Variants in SHANK1 observed in about 807,000 individuals in gnomAD.
SHANK1 encodes SH3 and multiple ankyrin repeat domains 1, also known as SH3 and multiple ankyrin repeat domains protein 1.
In SHANK1, 35 loss-of-function variants were observed where a neutral mutation model predicts 165.6. That is an observed-to-expected ratio of 0.21 (90% confidence interval 0.16 to 0.28). The LOEUF (loss-of-function observed/expected upper bound fraction) is 0.28. Among genes scored for constraint, SHANK1 ranks in the 10% least tolerant of loss-of-function variants. The pLI is 1.00. For missense variants in SHANK1, 2,681 were observed against 3,036.4 expected, an observed-to-expected ratio of 0.88 and a Z score of 2.75; for synonymous variants, 1,428 against 1,384.8, an observed-to-expected ratio of 1.03 and a Z score of -0.69.
intron 15 of SHANK1, among the ~76,000 whole-genome samples, chr19:50,694,657 C>A (rs1439752782): frequency 2.4e-5 from 2 of 83,250 alleles, no homozygotes; most frequent in African/African-American, 1.0e-4. Flanking sequence ...CTGACGAGTG[C>A]GTATTAGGGG....
Position 50,662,788 on chromosome 19 carries a change from A to G in SHANK1, c.5769-106T>C. Reference sequence around the variant, plus strand: ...GATATAGGGAGAGAGGAGGAGAGACATAAGGGTAGGGGGAGAGACGGAGGA... The same window carrying G: ...GATATAGGGAGAGAGGAGGAGAGACGTAAGGGTAGGGGGAGAGACGGAGGA... On this transcript the variant is annotated intron_variant, in intron 23 of 23. Transcript: ENST00000293441. The surrounding 1 kb of genome is among the most constrained non-coding windows in gnomAD (Gnocchi z 7.7). 3 of 1,168,726 alleles carry G rather than the reference A, an allele frequency of 2.6e-6. No homozygotes were observed. Among genetic ancestry groups the G allele is most frequent in the Non-Finnish European group, 2.4e-6 (2 of 818,346 alleles). The allele number at this position is 1,168,726 out of a possible 1,614,324, so 72.4% of individuals were successfully genotyped here.
At chr19:50,675,404 G>T (rs1985943947) in intron 21 of SHANK1, among the ~76,000 whole-genome samples, 1 of 152,174 alleles carries the variant, frequency 6.6e-6, no homozygotes, top group Non-Finnish European at 1.5e-5. Context: ...CATCATCACA[G>T]AGAGCTCTAT....
Position 50,702,051 on chromosome 19 carries a change from C to T in SHANK1, c.1747+416G>A, listed in dbSNP as rs768449038. Reference sequence around the variant, plus strand: ...GCAAAGTTAAGGCTGCTCGGCCTCACGCTCTGCACCAGGTGGCAGGAAGGA... The same window carrying T: ...GCAAAGTTAAGGCTGCTCGGCCTCATGCTCTGCACCAGGTGGCAGGAAGGA... On this transcript the variant is annotated intron_variant, in intron 12 of 23. Coordinates refer to ENST00000293441, the MANE Select transcript of SHANK1 (RefSeq NM_016148.5). This position sits in a 1 kb window ranked among gnomAD's most constrained non-coding sequence, Gnocchi z 5.3. 8.3e-4 allele frequency among the ~76,000 whole-genome samples: 127 copies of T among 152,220 alleles called. No homozygotes were observed. The highest frequency in any genetic ancestry group is 1.4e-3 in the Non-Finnish European group (94 of 68,040).
rs993979485 is a variant in SHANK1, at chr19:50,660,869, C to T, written c.*1096G>A. 1.4e-5 allele frequency among the ~76,000 whole-genome samples: 2 copies of T among 140,738 alleles called. No individual in the cohort carries two copies. Among genetic ancestry groups the T allele is most frequent in the Admixed American group, 1.5e-4 (2 of 12,940 alleles). 92.3% of individuals were successfully genotyped at this position (140,738 alleles called of 152,430 possible). On this transcript the variant is annotated 3_prime_UTR_variant, in exon 24 of 24. Transcript: ENST00000293441. Reference sequence around the variant, plus strand: ...AGAGAATGAGCATGTGTGAGAGAAACAGTTTCTGGGAGGCAAGTGTGCAAA... The same window carrying T: ...AGAGAATGAGCATGTGTGAGAGAAATAGTTTCTGGGAGGCAAGTGTGCAAA...
Position 50,686,610 on chromosome 19 carries a change from G to T in SHANK1, c.2458+134C>A. Reference sequence around the variant, plus strand: ...AGCCGTCGGGAGAGGGCGGGCGGAGGGAGGGGAGGTGGGATCGCAGCCTCT... The same window carrying T: ...AGCCGTCGGGAGAGGGCGGGCGGAGTGAGGGGAGGTGGGATCGCAGCCTCT... On this transcript the variant is annotated intron_variant, in intron 20 of 23. Transcript: ENST00000293441. This position sits in a 1 kb window ranked among gnomAD's most constrained non-coding sequence, Gnocchi z 5.7. The T allele has an allele frequency of 2.4e-6, 2 of 839,070 alleles. No individual in the cohort carries two copies. Among genetic ancestry groups the T allele is most frequent in the East Asian group, 2.6e-5 (1 of 37,824 alleles). The allele number at this position is 839,070 out of a possible 1,614,324, so 52.0% of individuals were successfully genotyped here. A position where few individuals can be genotyped will look rare whatever the true frequency, so the allele number is the denominator to read the frequency against.
chr19:50,697,343 C>T lies in SHANK1; in HGVS notation c.1938-221G>A, dbSNP rs1275183258. On this transcript the variant is annotated intron_variant, in intron 14 of 23. Coordinates refer to ENST00000293441, the MANE Select transcript of SHANK1 (RefSeq NM_016148.5). This position sits in a 1 kb window ranked among gnomAD's most constrained non-coding sequence, Gnocchi z 4.7. ...GCGCCCCGGCCCCCCCAGGCATCCCCACCCTGCCCTGACCACCCCGTTGTC... is the reference window on the plus strand; with the variant it reads ...GCGCCCCGGCCCCCCCAGGCATCCCTACCCTGCCCTGACCACCCCGTTGTC... Among the ~76,000 whole-genome samples the T allele has an allele frequency of 6.6e-6, 1 of 152,222 alleles. No individual in the cohort carries two copies. The highest frequency in any genetic ancestry group is 1.5e-5 in the Non-Finnish European group (1 of 68,036).
intron 21 of SHANK1, among the ~76,000 whole-genome samples, chr19:50,675,419 T>C (rs972018565): frequency 5.3e-5 from 8 of 152,208 alleles, no homozygotes; most frequent in African/African-American, 1.7e-4. Flanking sequence ...CTCTATTGGT[T>C]CTAGTCCAGA....
At chr19:50,695,974 G>T (rs780179220) in intron 15 of SHANK1, among the ~76,000 whole-genome samples, 1 of 152,178 alleles carries the variant, frequency 6.6e-6, no homozygotes, top group African/African-American at 2.4e-5. Flanking sequence ...CCGGGCGCAC[G>T]GCACAGCACA....
At chr19:50,684,769 G>A (rs1222291733) in intron 21 of SHANK1, among the ~76,000 whole-genome samples, 3 of 152,142 alleles carry the variant, frequency 2.0e-5, no homozygotes, top group Admixed American at 1.3e-4. Flanking sequence ...CATCACAGTG[G>A]TGCAGATTTC....
chr19:50,690,513 G>A lies in SHANK1; in HGVS notation c.1965-1234C>T, dbSNP rs999062185. Among the ~76,000 whole-genome samples, 16 of 152,062 alleles carry A rather than the reference G, an allele frequency of 1.1e-4. No homozygotes were observed. The highest frequency in any genetic ancestry group is 3.6e-4 in the African/African-American group (15 of 41,366). On this transcript the variant is annotated intron_variant, in intron 15 of 23. Coordinates refer to ENST00000293441, the MANE Select transcript of SHANK1 (RefSeq NM_016148.5). This position sits in a 1 kb window ranked among gnomAD's most constrained non-coding sequence, Gnocchi z 4.9. The stretch of plus-strand genomic sequence containing the variant: ...TGGAACGCGTGCTCTGCTGTGCTGA[G>A]CTTCCTTCAGCACTGTCTAAAGCCT...
chr19:50,715,587 G>T, intron 4 of SHANK1, 72 bp downstream of exon 4: 6 of 1,336,842 alleles, frequency 4.5e-6, no homozygotes, highest in Non-Finnish European at 6.4e-6. Context: ...GAGGTGGGGA[G>T]AGAAAGTGGT....
rs2089087359 is a variant in SHANK1 at position 50,717,904 on chromosome 19, T to C, written c.-43-942A>G. On this transcript the variant is annotated intron_variant, in intron 1 of 23. Transcript: ENST00000293441. This position sits in a 1 kb window ranked among gnomAD's most constrained non-coding sequence, Gnocchi z 5.5. ...CTGGGGAACTGAGTGGGGGATCATC[T>C]CTAGATCCTTGCTGTTCTCCCTTGA... Among the ~76,000 whole-genome samples the C allele has an allele frequency of 6.6e-6, 1 of 152,002 alleles. No individual in the cohort carries two copies. The highest frequency in any genetic ancestry group is 1.5e-5 in the Non-Finnish European group (1 of 67,982).
At chr19:50,665,687 A>G (rs1985461560) in intron 23 of SHANK1, among the ~76,000 whole-genome samples, 1 of 145,920 alleles carries the variant, frequency 6.9e-6, no homozygotes, top group Admixed American at 7.0e-5. Flanking sequence ...CAAGTGAGCT[A>G]TGATTACACC....
At chr19:50,706,428 C>T (rs1343996604) in intron 8 of SHANK1, among the ~76,000 whole-genome samples, 1 of 152,090 alleles carries the variant, frequency 6.6e-6, no homozygotes, top group Non-Finnish European at 1.5e-5. Flanking sequence ...GCACAAAGTC[C>T]ATGCCACGGC....
In SHANK1 at chr19:50,686,605, C is replaced by T; in HGVS notation, c.2458+139G>A. On this transcript the variant is annotated intron_variant, in intron 20 of 23. Coordinates refer to ENST00000293441, the MANE Select transcript of SHANK1 (RefSeq NM_016148.5). The surrounding 1 kb of genome is among the most constrained non-coding windows in gnomAD (Gnocchi z 5.7). ...GGGGCAGCCGTCGGGAGAGGGCGGG[C>T]GGAGGGAGGGGAGGTGGGATCGCAG... The T allele has an allele frequency of 1.6e-5, 11 of 694,896 alleles. No homozygotes were observed. The highest frequency in any genetic ancestry group is 3.6e-5 in the South Asian group (2 of 56,148). The allele number at this position is 694,896 out of a possible 1,614,324, so 43.0% of individuals were successfully genotyped here.
At position 50,666,578 on chromosome 19, in the gene SHANK1, G is replaced by A. The variant is rs57450051; in HGVS notation, c.5382C>T (p.Thr1794=). 1.9e-6 allele frequency: 3 copies of A among 1,600,010 alleles called. No individual in the cohort carries two copies. The highest frequency in any genetic ancestry group is 1.3e-5 in the African/African-American group (1 of 74,934). ...AAGCACGCAGGGCCAGCAGCCCATCGGTTCCAGCCCCTGTCACCGAGACGG... is the reference window on the plus strand; with the variant it reads ...AAGCACGCAGGGCCAGCAGCCCATCAGTTCCAGCCCCTGTCACCGAGACGG... ...SPTVSVTGAG[T]DGLLALRACS... is the part of the protein sequence containing the mutation. Residue 1794 remains threonine, a synonymous_variant, in exon 23 of 24, where the codon ACC becomes ACT. Transcript: ENST00000293441.
chr19:50,709,546 T>C (rs2123192592), intron 8 of SHANK1, among the ~76,000 whole-genome samples: 1 of 150,780 alleles, frequency 6.6e-6, no homozygotes, highest in African/African-American at 2.4e-5. Flanking sequence ...CTGCCTGCTG[T>C]CTAATTCTAA....
chr19:50,675,356 G>C (rs909238522), intron 21 of SHANK1, among the ~76,000 whole-genome samples: 2 of 152,314 alleles, frequency 1.3e-5, no homozygotes, highest in Non-Finnish European at 2.9e-5. Flanking sequence ...CCTGTGGCTG[G>C]TGGCTACCAA....
At chr19:50,701,299 G>T (rs1039483971) in intron 12 of SHANK1, among the ~76,000 whole-genome samples, 1 of 149,518 alleles carries the variant, frequency 6.7e-6, no homozygotes, top group Non-Finnish European at 1.5e-5. Context: ...TTCCTGCCTC[G>T]GCCTCTCAAG....
Sources: gnomAD v4.1 joint callset for allele counts (sites outside exome capture counted in the v4.1 genomes callset) on GRCh38, gnomAD v4.1.1 for gene constraint, Gnocchi (gnomAD v3.1) non-coding constraint, MANE v1.5 for transcripts, NCBI Gene and HGNC (gene_info 2026-07-23, HGNC 2026-07-21) for gene names.